The following VMA12 variants were observed in gnomAD, a reference collection of about 807,000 sequenced individuals.
VMA12 encodes the protein vacuolar ATPase assembly protein VMA12.
chr17:28,361,050 C>G, the VMA12 span: 1 of 1,141,950 alleles, frequency 8.8e-7, no homozygotes, highest in Non-Finnish European at 1.3e-6. Flanking sequence ...CTTCCCCTCC[C>G]CCAACTTAGA....
the VMA12 span, chr17:28,357,841 C>T: frequency 3.7e-6 from 6 of 1,614,012 alleles, no homozygotes; most frequent in East Asian, 2.2e-5. Context: ...TGGTTTCTTT[C>T]CGTCTCATCC....
chr17:28,359,028 G>T, the VMA12 span: 1 of 1,537,790 alleles, frequency 6.5e-7, no homozygotes. Context: ...GTTATTGACT[G>T]AGTTGGGCTT....
At chr17:28,359,707 C>T in the VMA12 span, 1 of 186,548 alleles carries the variant, frequency 5.4e-6, no homozygotes, top group Non-Finnish European at 1.1e-5. Flanking sequence ...GAGTTCGTGA[C>T]CAGCCTGGCC....
chr17:28,361,055 C>T, the VMA12 span: 1 of 1,185,834 alleles, frequency 8.4e-7, no homozygotes, highest in South Asian at 1.3e-5. Context: ...CCTCCCCCAA[C>T]TTAGAGGGTG....
the VMA12 span, chr17:28,358,983 T>G: frequency 6.2e-7 from 1 of 1,612,162 alleles, no homozygotes; most frequent in Non-Finnish European, 8.5e-7. Context: ...TTGTGAAGCC[T>G]CCACGGGTAT....
chr17:28,361,886 A>G, the VMA12 span: 1 of 152,930 alleles, frequency 6.5e-6, no homozygotes, highest in African/African-American at 2.4e-5. Context: ...TAGAGATTAA[A>G]TGATCACTAT....
the VMA12 span, chr17:28,358,364 C>A: frequency 2.1e-6 from 1 of 471,004 alleles, no homozygotes. Context: ...CATGTGAGTT[C>A]CAGTCCTAGC....
chr17:28,362,315 G>A, the VMA12 span: 12 of 152,120 alleles, frequency 7.9e-5, no homozygotes, highest in African/African-American at 2.9e-4. Flanking sequence ...AGAAAAAGTA[G>A]GTGGCATTTT....
the VMA12 span, chr17:28,357,758 C>G: frequency 8.1e-6 from 13 of 1,613,424 alleles, no homozygotes; most frequent in Non-Finnish European, 1.0e-5. Context: ...ACCCCGAAAG[C>G]TGCGGGCCGA....
At chr17:28,358,850 C>A in the VMA12 span, 1 of 1,305,660 alleles carries the variant, frequency 7.7e-7, no homozygotes, top group Admixed American at 2.1e-5. Context: ...GGCTACACCC[C>A]TCTTGATCTT....
the VMA12 span, chr17:28,361,458 C>G: frequency 1.8e-6 from 1 of 566,978 alleles, no homozygotes; most frequent in Non-Finnish European, 3.2e-6. Context: ...GATAACACAT[C>G]TTTAAAACAG....
the VMA12 span, chr17:28,359,068 C>T: frequency 7.4e-7 from 1 of 1,343,912 alleles, no homozygotes; most frequent in Admixed American, 2.3e-5. Context: ...TATAAATCAA[C>T]TTTTAGGCTT....
chr17:28,361,202 G>A, the VMA12 span: 16 of 1,613,972 alleles, frequency 9.9e-6, no homozygotes, highest in Admixed American at 1.0e-4. Context: ...GGGTCTGGCC[G>A]AGCTGTATGT....
chr17:28,358,469 G>T, the VMA12 span: 3 of 472,480 alleles, frequency 6.3e-6, no homozygotes, highest in African/African-American at 6.0e-5. Flanking sequence ...AGCACATAAG[G>T]TATTTTGCCA....
the VMA12 span, chr17:28,362,580 T>G: frequency 6.6e-6 from 1 of 152,166 alleles, no homozygotes; most frequent in Non-Finnish European, 1.5e-5. Context: ...GGGAGGATGC[T>G]TGAGTTCAGG....
At chr17:28,359,606 G>A in the VMA12 span, 4 of 454,198 alleles carry the variant, frequency 8.8e-6, no homozygotes, top group South Asian at 6.8e-5. Flanking sequence ...AGTTTTAAAC[G>A]TCATAGAAGT....
chr17:28,357,826 A>T, the VMA12 span: 1 of 1,614,070 alleles, frequency 6.2e-7, no homozygotes. Context: ...GTGGCCCCCA[A>T]CGCTTGGTTT....
chr17:28,360,896 G>C, the VMA12 span: 1 of 1,488,408 alleles, frequency 6.7e-7, no homozygotes, highest in Non-Finnish European at 9.4e-7. Flanking sequence ...GGGTGTTAGT[G>C]GGTAAGGGAG....
chr17:28,360,964 ATAAGGGGAGCAT>A, the VMA12 span: 1 of 969,644 alleles, frequency 1.0e-6, no homozygotes, highest in East Asian at 2.4e-5. Flanking sequence ...TATGCCATTA[ATAAGGGGAGCAT>A]TAGAGCTTTC....
Sources: allele counts gnomAD v4.1 joint callset, GRCh38; gene constraint gnomAD v4.1.1; transcripts MANE v1.5; gene names NCBI Gene and HGNC (gene_info 2026-07-23, HGNC 2026-07-21).